The following RALYL variants were observed in gnomAD, a reference collection of about 807,000 sequenced individuals.
RALYL encodes RALY RNA binding protein like, also known as RNA-binding Raly-like protein.
A neutral mutation model predicts 35.1 loss-of-function variants in RALYL; 29 were observed. The ratio of observed to expected loss-of-function variants is 0.83; its 90% CI spans 0.61 to 1.13. RALYL has a LOEUF of 1.13. Ranked by LOEUF, RALYL falls within the 50% of genes most tolerant of loss-of-function variation. The pLI is 0.00. For synonymous variants in RALYL, 120 were observed against 127.6 expected (o/e 0.94, Z 0.40); for missense variants, 359 against 360.4 (o/e 1.00, Z 0.03).
Position 84,426,129 on chromosome 8 carries a change from A to G in RALYL, c.-23-103170A>G, listed in dbSNP as rs564640657. On this transcript the variant is annotated intron_variant, in intron 1 of 8. Transcript: ENST00000521268. ...GTAATGTGTGTATTTAAGGTATACA[A>G]CATGATATTATGGGATACATATAGA... Among the ~76,000 whole-genome samples, 12 of 152,334 alleles carry G rather than the reference A, an allele frequency of 7.9e-5. No homozygotes were observed. The South Asian group carries it at 2.3e-3, about 29-fold the overall frequency.
intron 2 of RALYL, among the ~76,000 whole-genome samples, chr8:84,754,254 T>TAA (rs11285717): frequency 4.1e-5 from 6 of 144,604 alleles, no homozygotes; most frequent in South Asian, 2.2e-4. Flanking sequence ...AGTATAATAA[T>TAA]AAAAAAAAAA....
chr8:84,604,775 T>C (rs767291687), intron 2 of RALYL, among the ~76,000 whole-genome samples: 1 of 152,130 alleles, frequency 6.6e-6, no homozygotes, highest in Admixed American at 6.6e-5. Context: ...GAAACTTAAC[T>C]GTCAGGTTTC....
chr8:84,360,028 AC>A (rs1852646197), intron 1 of RALYL, among the ~76,000 whole-genome samples: 1 of 151,998 alleles, frequency 6.6e-6, no homozygotes. Flanking sequence ...ATGCACCAGC[AC>A]GCCTGGCTAA....
intron 6 of RALYL, among the ~76,000 whole-genome samples, chr8:84,863,175 T>C (rs1838469150): frequency 6.6e-6 from 1 of 152,138 alleles, no homozygotes; most frequent in African/African-American, 2.4e-5. Flanking sequence ...AGCTGACCTA[T>C]AGGTAAAAGA....
chr8:84,840,051 A>G (rs1451957183), intron 4 of RALYL, among the ~76,000 whole-genome samples: 1 of 152,170 alleles, frequency 6.6e-6, no homozygotes, highest in Non-Finnish European at 1.5e-5. Flanking sequence ...AACTCTAAAA[A>G]TCAGAGTGCC....
At chr8:84,917,403 A>C (rs1429468706) in intron 8 of RALYL, among the ~76,000 whole-genome samples, 1 of 151,958 alleles carries the variant, frequency 6.6e-6, no homozygotes, top group Non-Finnish European at 1.5e-5. Flanking sequence ...CAATTTACCA[A>C]GAATCACTAT....
chr8:84,332,021 C>G (rs771364993), intron 1 of RALYL, among the ~76,000 whole-genome samples: 1 of 152,082 alleles, frequency 6.6e-6, no homozygotes, highest in Non-Finnish European at 1.5e-5. Context: ...TTTAACAACC[C>G]CATCCTGCCA....
intron 4 of RALYL, among the ~76,000 whole-genome samples, chr8:84,840,626 G>C (rs1833048008): frequency 2.6e-5 from 4 of 152,154 alleles, no homozygotes; most frequent in Admixed American, 2.0e-4. Context: ...ACGCCACAAA[G>C]ATGCTACTTG....
intron 1 of RALYL, among the ~76,000 whole-genome samples, chr8:84,511,876 TC>T (rs1305034427): frequency 6.6e-6 from 1 of 152,220 alleles, no homozygotes; most frequent in African/African-American, 2.4e-5. Context: ...CAAGATGTCA[TC>T]CTTTTTATGG....
At chr8:84,555,028 C>T (rs1409288646) in intron 2 of RALYL, among the ~76,000 whole-genome samples, 1 of 152,144 alleles carries the variant, frequency 6.6e-6, no homozygotes, top group East Asian at 1.9e-4. Context: ...CGCCTGTAAT[C>T]CCAGCACTTT....
intron 2 of RALYL, among the ~76,000 whole-genome samples, chr8:84,615,480 AG>A (rs1397088644): frequency 6.7e-6 from 1 of 148,800 alleles, no homozygotes; most frequent in African/African-American, 2.5e-5. Flanking sequence ...GGTATTGCAG[AG>A]TTAAATTAAA....
chr8:84,307,535 A>C (rs1293502511), intron 1 of RALYL, among the ~76,000 whole-genome samples: 2 of 152,226 alleles, frequency 1.3e-5, no homozygotes, highest in African/African-American at 2.4e-5. Flanking sequence ...TGATTAAAGT[A>C]GTATCAATTC....
intron 1 of RALYL, among the ~76,000 whole-genome samples, chr8:84,315,633 C>T (rs905200861): frequency 3.9e-5 from 6 of 151,910 alleles, no homozygotes; most frequent in Non-Finnish European, 8.8e-5. Context: ...GAATAAACTA[C>T]CAAATTTCTT....
At chr8:84,876,397 T>A (rs1250469756) in intron 7 of RALYL, among the ~76,000 whole-genome samples, 2 of 152,214 alleles carry the variant, frequency 1.3e-5, no homozygotes, top group East Asian at 1.9e-4. Context: ...ATGTAGATTA[T>A]AGAAAACCAC....
intron 1 of RALYL, among the ~76,000 whole-genome samples, chr8:84,379,770 T>G (rs1032220445): frequency 2.0e-5 from 3 of 151,150 alleles, no homozygotes; most frequent in Non-Finnish European, 4.4e-5. Flanking sequence ...AAAATATAAA[T>G]GCGGGCAGGA....
At chr8:84,398,077 G>A (rs2042523349) in intron 1 of RALYL, among the ~76,000 whole-genome samples, 1 of 152,214 alleles carries the variant, frequency 6.6e-6, no homozygotes, top group Non-Finnish European at 1.5e-5. Flanking sequence ...AATTTTAAGT[G>A]TAGAGAATGG....
intron 1 of RALYL, among the ~76,000 whole-genome samples, chr8:84,520,186 T>G (rs1482382638): frequency 6.6e-6 from 1 of 152,242 alleles, no homozygotes; most frequent in Non-Finnish European, 1.5e-5. Context: ...ATCTTCTTAC[T>G]AGGTCATCTT....
chr8:84,419,089 T>C (rs1480711725), intron 1 of RALYL, among the ~76,000 whole-genome samples: 1 of 152,170 alleles, frequency 6.6e-6, no homozygotes, highest in Non-Finnish European at 1.5e-5. Context: ...GAAAAGAGGA[T>C]ATTGTGAGCA....
At chr8:84,546,695 A>C (rs1038507714) in intron 2 of RALYL, among the ~76,000 whole-genome samples, 2 of 152,214 alleles carry the variant, frequency 1.3e-5, no homozygotes, top group African/African-American at 4.8e-5. Context: ...CTCTGGCACA[A>C]TATGAATTCC....
Sources: allele counts gnomAD v4.1 joint callset (sites outside exome capture counted in the v4.1 genomes callset), GRCh38; gene constraint gnomAD v4.1.1; transcripts MANE v1.5; gene names NCBI Gene and HGNC (gene_info 2026-07-23, HGNC 2026-07-21).